Variants in SVOPL observed in about 807,000 individuals in gnomAD.
SVOPL encodes putative transporter SVOPL.
A neutral mutation model predicts 61.0 loss-of-function variants in SVOPL; 60 were observed. That is an observed-to-expected ratio of 0.98 (90% CI 0.80 to 1.22). The LOEUF (loss-of-function observed/expected upper bound fraction) is 1.22, where lower values mean the gene tolerates loss of function less well. SVOPL is among the 50% of genes most tolerant of loss of function. The pLI is 0.00. For synonymous variants in SVOPL, 279 were observed against 250.0 expected (o/e 1.12, Z -1.09); for missense variants, 662 against 643.9 (o/e 1.03, Z -0.30).
Position 138,678,510 on chromosome 7 carries a change from G to A in SVOPL, c.98C>T (p.Thr33Ile). 1.9e-6 allele frequency: 3 copies of A among 1,552,112 alleles called. No individual in the cohort carries two copies. Among genetic ancestry groups the A allele is most frequent in the African/African-American group, 1.4e-5 (1 of 73,172 alleles). ...GATAGTCTCCACTGCATCTTCCACG[G>A]TGAACGTCTTTGGCTCTAACAACGA... is the stretch of plus-strand genomic sequence containing the variant. The part of the protein sequence containing the change: ...EPQVKEPKTF[T>I]VEDAVETIGF... The change falls in exon 3 of 16, where the codon ACC (threonine) becomes ATC (isoleucine). Residue 33 changes from threonine to isoleucine, a missense_variant. Thr to Ile is a moderately conservative substitution (Grantham distance 89, BLOSUM62 -1). Transcript: ENST00000674285.
At chr7:138,615,560 CAAAAAAAAAAA>C (rs770404185) in intron 14 of SVOPL, among the ~76,000 whole-genome samples, 1 of 5,542 alleles carries the variant, frequency 1.8e-4, no homozygotes, top group Non-Finnish European at 5.1e-4. Flanking sequence ...ACTCCGTCTC[CAAAAAAAAAAA>C]AAAAAAAAAA....
At chr7:138,636,865 TA>T (rs1182650559) in intron 9 of SVOPL, among the ~76,000 whole-genome samples, 25 of 152,202 alleles carry the variant, frequency 1.6e-4, no homozygotes, top group Admixed American at 1.1e-3. Context: ...TCTAGTAAAA[TA>T]AGCCTGAAAA....
At chr7:138,619,559 GT>G (rs1349947291) in intron 14 of SVOPL, among the ~76,000 whole-genome samples, 1 of 51,574 alleles carries the variant, frequency 1.9e-5, no homozygotes, top group African/African-American at 8.1e-5. Context: ...TTTCTCAGAT[GT>G]TAAAAAAAAA....
intron 10 of SVOPL, 142 bp from the exon 11 acceptor site, chr7:138,628,505 C>T (rs1169850877): frequency 2.8e-5 from 22 of 793,546 alleles, no homozygotes; most frequent in Non-Finnish European, 3.6e-5. Flanking sequence ...ACAGAGCATT[C>T]GTGGAAGTGT....
At chr7:138,639,118 G>A (rs943943813) in intron 9 of SVOPL, among the ~76,000 whole-genome samples, 2 of 151,954 alleles carry the variant, frequency 1.3e-5, no homozygotes, top group Admixed American at 6.6e-5. Context: ...AACTGGGCAT[G>A]GTGGCATATG....
intron 6 of SVOPL, among the ~76,000 whole-genome samples, chr7:138,656,984 G>A (rs568616945): frequency 6.6e-6 from 1 of 151,958 alleles, no homozygotes; most frequent in African/African-American, 2.4e-5. Context: ...GGAGGTTGTG[G>A]TGAGCCAATA....
At chr7:138,639,726 C>T (rs1673170) in intron 9 of SVOPL, among the ~76,000 whole-genome samples, 103,898 of 151,478 alleles carry the variant, frequency 0.69, 37,270 homozygotes, top group Middle Eastern at 0.8. Flanking sequence ...CAGGGTCTCG[C>T]CCTGTTGTCC....
chr7:138,629,237 ATTTT>A (rs34587301), intron 10 of SVOPL, among the ~76,000 whole-genome samples: 3 of 140,136 alleles, frequency 2.1e-5, no homozygotes, highest in African/African-American at 8.1e-5. Flanking sequence ...GCTCTTCATG[ATTTT>A]TTTTTTTTTG....
intron 1 of SVOPL, among the ~76,000 whole-genome samples, chr7:138,692,568 T>A (rs914634892): frequency 1.3e-5 from 2 of 151,798 alleles, no homozygotes; most frequent in East Asian, 1.9e-4. Context: ...GATTAAAAAA[T>A]AATAATAATA....
In SVOPL at chr7:138,637,996, G is replaced by A. The variant is rs182638664; in HGVS notation, c.789+6721C>T. Among the ~76,000 whole-genome samples the A allele has an allele frequency of 2.4e-3, 365 of 151,828 alleles. 1 individual carries two copies. The highest frequency in any genetic ancestry group is 8.3e-3 in the African/African-American group (345 of 41,394). On this transcript the variant is annotated intron_variant, in intron 9 of 15. Coordinates refer to ENST00000674285, the MANE Select transcript of SVOPL (RefSeq NM_001139456.2). ...AAATAAAAAATAAAACAAATTGGCCGGGTGTTGTGGCTCACACCTGTAATC... is the reference window on the plus strand; with the variant it reads ...AAATAAAAAATAAAACAAATTGGCCAGGTGTTGTGGCTCACACCTGTAATC...
intron 14 of SVOPL, among the ~76,000 whole-genome samples, chr7:138,604,373 A>G (rs1272159126): frequency 6.6e-6 from 1 of 152,210 alleles, no homozygotes; most frequent in Non-Finnish European, 1.5e-5. Flanking sequence ...TTGTTAATAT[A>G]AAATATGTTA....
chr7:138,662,875 G>A (rs1028945752), intron 5 of SVOPL, 199 bp downstream of exon 5: 223 of 1,427,500 alleles, frequency 1.6e-4, no homozygotes, highest in South Asian at 5.3e-4. Context: ...GGACTGCAGA[G>A]GAACAGCTGC....
At chr7:138,658,931 C>T (rs1801874902) in intron 6 of SVOPL, among the ~76,000 whole-genome samples, 1 of 151,322 alleles carries the variant, frequency 6.6e-6, no homozygotes, top group Non-Finnish European at 1.5e-5. Context: ...TGGATTCCCT[C>T]CTCAGCCAGG....
intron 9 of SVOPL, among the ~76,000 whole-genome samples, chr7:138,639,408 C>T (rs112001451): frequency 0.036 from 5,537 of 152,024 alleles, 231 homozygotes; most frequent in East Asian, 0.16. Context: ...GGGTGGGCCA[C>T]ATGAGGTCAG....
Sources: allele counts gnomAD v4.1 joint callset (sites outside exome capture counted in the v4.1 genomes callset), GRCh38; gene constraint gnomAD v4.1.1; transcripts MANE v1.5; gene names NCBI Gene and HGNC (gene_info 2026-07-23, HGNC 2026-07-21).